The following LPIN1 variants were observed in gnomAD, a reference collection of about 807,000 sequenced individuals.
The protein encoded by LPIN1 is phosphatidate phosphatase LPIN1.
A neutral mutation model predicts 107.5 loss-of-function variants in LPIN1; 71 were observed. The ratio of observed to expected loss-of-function variants is 0.66; its 90% CI spans 0.55 to 0.80. The LOEUF (loss-of-function observed/expected upper bound fraction) is 0.80, where lower values mean the gene tolerates loss of function less well. LPIN1 is among the 30% of genes least tolerant of loss of function. LPIN1 has a pLI of 0.00. For synonymous variants in LPIN1, 445 were observed against 452.6 expected (o/e 0.98, Z 0.21); for missense variants, 1,043 against 1,160.6 (o/e 0.90, Z 1.47).
At chr2:11,677,824 T>C in intron 1 of LPIN1, 2 of 1,104,626 alleles carry the variant, frequency 1.8e-6, no homozygotes, top group Non-Finnish European at 2.6e-6. Flanking sequence ...CGGGGAACAT[T>C]TGCGCCCAGA....
chr2:11,679,272 G>C (rs949503443), intron 1 of LPIN1, among the ~76,000 whole-genome samples: 1 of 152,136 alleles, frequency 6.6e-6, no homozygotes, highest in African/African-American at 2.4e-5. Context: ...TGGAAGATGG[G>C]GAGAGGAACC....
At chr2:11,747,238 A>G (rs1204579202) in intron 1 of LPIN1, among the ~76,000 whole-genome samples, 2 of 152,126 alleles carry the variant, frequency 1.3e-5, no homozygotes, top group East Asian at 3.9e-4. Context: ...CGGTTCTCAT[A>G]TTACAGCTCT....
upstream of LPIN1, among the ~76,000 whole-genome samples, chr2:11,744,990 G>A (rs893345): frequency 0.37 from 56,695 of 152,156 alleles, 11,801 homozygotes; most frequent in Middle Eastern, 0.52. Context: ...CCAGATGGAC[G>A]GGAGCCGCGC....
intron 1 of LPIN1, among the ~76,000 whole-genome samples, chr2:11,735,739 C>A (rs1342021669): frequency 6.6e-6 from 1 of 152,192 alleles, no homozygotes; most frequent in Admixed American, 6.5e-5. Flanking sequence ...AAGTGAATGG[C>A]TATATAGGCA....
intron 1 of LPIN1, among the ~76,000 whole-genome samples, chr2:11,762,482 CA>C (rs1490468210): frequency 6.6e-6 from 1 of 152,110 alleles, no homozygotes; most frequent in African/African-American, 2.4e-5. Flanking sequence ...ACTCTCATTA[CA>C]GATTTGTTCC....
chr2:11,802,579 C>CA (rs1226483200), intron 14 of LPIN1, among the ~76,000 whole-genome samples: 1 of 152,132 alleles, frequency 6.6e-6, no homozygotes, highest in African/African-American at 2.4e-5. Context: ...AGAAGAGAGA[C>CA]AGAGAAGACA....
rs886054810 is a variant in LPIN1, at chr2:11,826,792, GT to G, written c.*2005del. 5 of 152,188 alleles carry G rather than the reference GT, an allele frequency of 3.3e-5. No homozygotes were observed. Among genetic ancestry groups the G allele is most frequent in the Non-Finnish European group, 5.9e-5 (4 of 68,040 alleles). The allele number at this position is 152,188 out of a possible 1,614,324, so 9.4% of individuals were successfully genotyped here. A position where few individuals can be genotyped will look rare whatever the true frequency, so the allele number is the denominator to read the frequency against. On this transcript the variant is annotated 3_prime_UTR_variant, in exon 21 of 21. Transcript: ENST00000674199. ...TGCAGCAGCACACCCTGCAGGCGGA[GT>G]TTTCAGAGGATGCAATTTTGGATCC...
intron 2 of LPIN1, among the ~76,000 whole-genome samples, chr2:11,716,265 T>C (rs1186972025): frequency 6.6e-6 from 1 of 152,096 alleles, no homozygotes; most frequent in African/African-American, 2.4e-5. Context: ...ATCCCGGCAT[T>C]GATCATTGTT....
chr2:11,768,799 G>A (rs1671363210), intron 3 of LPIN1, among the ~76,000 whole-genome samples: 1 of 152,152 alleles, frequency 6.6e-6, no homozygotes, highest in South Asian at 2.1e-4. Flanking sequence ...AGCTGGGCGT[G>A]GTGGCGGGTG....
rs886054796 is a variant in LPIN1 at position 11,765,665 on chromosome 2, A to G, written c.124A>G (p.Asn42Asp). The G allele has an allele frequency of 5.0e-6, 8 of 1,614,020 alleles. No homozygotes were observed. The highest frequency in any genetic ancestry group is 1.7e-4 in the Middle Eastern group (1 of 6,058). The part of the protein sequence containing the change: ...DIIVIRQPNG[N>D]LQCSPFHVRF... ...CATTGTCATCCGCCAGCCCAATGGA[A>G]ACCTCCAATGCTCCCCTTTCCACGT... The change falls in exon 2 of 21, where the codon AAC (asparagine) becomes GAC (aspartate). Residue 42 changes from asparagine to aspartate, a missense_variant. By Grantham distance (23) the Asn-to-Asp change is conservative. Transcript: ENST00000674199. This position sits in a 1 kb window ranked among gnomAD's most constrained non-coding sequence, Gnocchi z 4.4.
chr2:11,744,975 C>T (rs2148562898), upstream of LPIN1, among the ~76,000 whole-genome samples: 1 of 152,380 alleles, frequency 6.6e-6, no homozygotes, highest in East Asian at 1.9e-4. Flanking sequence ...CGTGTCCACA[C>T]TTGACCAGAT....
intron 3 of LPIN1, among the ~76,000 whole-genome samples, chr2:11,769,750 T>C (rs1189261946): frequency 6.6e-6 from 1 of 152,240 alleles, no homozygotes; most frequent in Non-Finnish European, 1.5e-5. Flanking sequence ...TCCTTAACTC[T>C]TTTGTTCACA....
At chr2:11,776,024 C>T (rs956355833) in intron 5 of LPIN1, 62 bp from the exon 6 acceptor site, 2 of 758,614 alleles carry the variant, frequency 2.6e-6, no homozygotes, top group African/African-American at 1.7e-5. Context: ...TATAATCTCA[C>T]TTGATGTAAT....
chr2:11,767,720 G>T lies in LPIN1; in HGVS notation c.193-43G>T, dbSNP rs75259222. 1,621 of 1,307,022 alleles carry T rather than the reference G, an allele frequency of 1.2e-3. 20 individuals carry two copies. In the African/African-American group the frequency reaches 0.021, roughly 17 times the overall value. 81.0% of individuals were successfully genotyped at this position (1,307,022 alleles called of 1,614,324 possible). A position where few individuals can be genotyped will look rare whatever the true frequency, so the allele number is the denominator to read the frequency against. Reference sequence around the variant, plus strand: ...CGTCCCCATGAGGTCTCCTGTCCTGGTGAAGGCAGTTCATTCTTTTCTTAA... The same window carrying T: ...CGTCCCCATGAGGTCTCCTGTCCTGTTGAAGGCAGTTCATTCTTTTCTTAA... On this transcript the variant is annotated intron_variant, in intron 2 of 20. Coordinates refer to ENST00000674199, the MANE Select transcript of LPIN1 (RefSeq NM_001349206.2).
intron 1 of LPIN1, among the ~76,000 whole-genome samples, chr2:11,753,532 G>C (rs1668185138): frequency 1.3e-5 from 2 of 152,358 alleles, no homozygotes; most frequent in South Asian, 4.1e-4. Flanking sequence ...TCCAGACCTG[G>C]CAGAGGGCAG....
At chr2:11,719,087 A>G (rs906778398) in intron 2 of LPIN1, among the ~76,000 whole-genome samples, 1 of 152,030 alleles carries the variant, frequency 6.6e-6, no homozygotes, top group Non-Finnish European at 1.5e-5. Flanking sequence ...TTTCTTCTTT[A>G]CAGCATTATT....
intron 1 of LPIN1, among the ~76,000 whole-genome samples, chr2:11,694,144 T>C (rs1246808374): frequency 1.3e-5 from 2 of 151,846 alleles, no homozygotes; most frequent in Non-Finnish European, 2.9e-5. Flanking sequence ...AAGAGCCATA[T>C]ATTTTTAAAA....
chr2:11,780,304 T>C (rs1673375106), intron 7 of LPIN1, among the ~76,000 whole-genome samples: 1 of 152,218 alleles, frequency 6.6e-6, no homozygotes, highest in African/African-American at 2.4e-5. Flanking sequence ...TGCTAGGTCA[T>C]TGATGAGTGG....
At position 11,719,172 on chromosome 2, in the gene LPIN1, T is replaced by C. The variant is rs141048988; in HGVS notation, c.138+5360T>C. On this transcript the variant is annotated intron_variant, in intron 2 of 21. Transcript: ENST00000449576. ...CTGGGAATTTTTTTTCCTAGTAATTTCTCTTCTATTCCCTTCATTATTTTT... is the reference window on the plus strand; with the variant it reads ...CTGGGAATTTTTTTTCCTAGTAATTCCTCTTCTATTCCCTTCATTATTTTT... Among the ~76,000 whole-genome samples the C allele has an allele frequency of 4.3e-3, 656 of 152,348 alleles. 7 individuals carry two copies. Among genetic ancestry groups the C allele is most frequent in the African/African-American group, 0.015 (620 of 41,582 alleles).
Sources: gnomAD v4.1 joint callset for allele counts (sites outside exome capture counted in the v4.1 genomes callset) on GRCh38, gnomAD v4.1.1 for gene constraint, Gnocchi (gnomAD v3.1) non-coding constraint, MANE v1.5 for transcripts, NCBI Gene and HGNC (gene_info 2026-07-23, HGNC 2026-07-21) for gene names.